MB21D2: variants seen among roughly 807,000 people sequenced by gnomAD.
The protein encoded by MB21D2 is Mab-21 domain containing 2.
In MB21D2, 9 loss-of-function variants were observed where a neutral mutation model predicts 33.3. The ratio of observed to expected loss-of-function variants is 0.27; its 90% CI spans 0.16 to 0.47. The LOEUF (loss-of-function observed/expected upper bound fraction) is 0.47. Among genes scored for constraint, MB21D2 ranks in the 20% least tolerant of loss-of-function variants. MB21D2 has a pLI of 0.99. For synonymous variants in MB21D2, 241 were observed against 236.3 expected (o/e 1.02, Z -0.18); for missense variants, 540 against 624.6 (o/e 0.86, Z 1.44).
chr3:192,892,632 G>C (rs577766692), intron 1 of MB21D2, among the ~76,000 whole-genome samples: 1 of 151,946 alleles, frequency 6.6e-6, no homozygotes, highest in African/African-American at 2.4e-5. Context: ...TAGTAGAGAC[G>C]GGGTTTCACC....
chr3:192,857,878 A>G (rs886986894), intron 1 of MB21D2, among the ~76,000 whole-genome samples: 1 of 152,144 alleles, frequency 6.6e-6, no homozygotes, highest in African/African-American at 2.4e-5. Context: ...TAATCCCAGC[A>G]CTTTGAGAGG....
chr3:192,874,920 T>A (rs1330030350), intron 1 of MB21D2, among the ~76,000 whole-genome samples: 2 of 152,140 alleles, frequency 1.3e-5, no homozygotes, highest in Non-Finnish European at 2.9e-5. Flanking sequence ...CCCCTGGCTG[T>A]TAGGTCTAGG....
At chr3:192,912,660 CAA>C (rs1714381058) in intron 1 of MB21D2, among the ~76,000 whole-genome samples, 1 of 149,768 alleles carries the variant, frequency 6.7e-6, no homozygotes, top group Admixed American at 6.7e-5. Context: ...GCAACAAGGG[CAA>C]AACTGTATCT....
intron 1 of MB21D2, among the ~76,000 whole-genome samples, chr3:192,907,504 T>C (rs1714239113): frequency 6.6e-6 from 1 of 152,142 alleles, no homozygotes; most frequent in Non-Finnish European, 1.5e-5. Flanking sequence ...AGACACCCAA[T>C]AGCTGGGTGG....
chr3:192,822,795 G>A (rs1018742229), intron 1 of MB21D2, among the ~76,000 whole-genome samples: 1 of 152,220 alleles, frequency 6.6e-6, no homozygotes, highest in Non-Finnish European at 1.5e-5. Flanking sequence ...AAGAGGTACT[G>A]CTGGTAGTTA....
At chr3:192,847,462 T>A (rs1560238118) in intron 1 of MB21D2, among the ~76,000 whole-genome samples, 1 of 152,118 alleles carries the variant, frequency 6.6e-6, no homozygotes, top group Non-Finnish European at 1.5e-5. Flanking sequence ...GGAAATGGTG[T>A]CTCTCAAAAG....
intron 1 of MB21D2, among the ~76,000 whole-genome samples, chr3:192,857,898 G>T (rs1439236351): frequency 6.6e-6 from 1 of 152,208 alleles, no homozygotes; most frequent in African/African-American, 2.4e-5. Flanking sequence ...GCTGAGGAGG[G>T]TGAATCACCT....
At chr3:192,910,072 G>A (rs764453689) in intron 1 of MB21D2, among the ~76,000 whole-genome samples, 5 of 151,608 alleles carry the variant, frequency 3.3e-5, no homozygotes, top group Admixed American at 6.6e-5. Flanking sequence ...GACAGGAGGC[G>A]GCATGGAAAG....
chr3:192,836,661 C>T (rs7637984), intron 1 of MB21D2, among the ~76,000 whole-genome samples: 52,573 of 152,040 alleles, frequency 0.35, 9,727 homozygotes, highest in East Asian at 0.61. Context: ...TGAACTTAGA[C>T]TTCCAGCCTC....
chr3:192,822,006 C>T (rs1185076029), intron 1 of MB21D2, among the ~76,000 whole-genome samples: 1 of 152,154 alleles, frequency 6.6e-6, no homozygotes, highest in Non-Finnish European at 1.5e-5. Context: ...GTTAAAATGG[C>T]ACCTGTGAAC....
Position 192,915,559 on chromosome 3 carries a change from G to A in MB21D2, c.211+2071C>T, listed in dbSNP as rs76350481. On this transcript the variant is annotated intron_variant, in intron 1 of 1. Transcript: ENST00000392452. ...CTCTCTTGAATCTTCTCTCCTGCAGGTGGAAATGCTAAATTCCCAGGGGGC... is the reference window on the plus strand; with the variant it reads ...CTCTCTTGAATCTTCTCTCCTGCAGATGGAAATGCTAAATTCCCAGGGGGC... Among the ~76,000 whole-genome samples the A allele has an allele frequency of 9.1e-3, 1,382 of 152,274 alleles. 24 individuals carry two copies. Among genetic ancestry groups the A allele is most frequent in the African/African-American group, 0.032 (1,312 of 41,550 alleles).
At chr3:192,873,455 T>A (rs1014294363) in intron 1 of MB21D2, among the ~76,000 whole-genome samples, 1 of 152,124 alleles carries the variant, frequency 6.6e-6, no homozygotes, top group Non-Finnish European at 1.5e-5. Context: ...TCCACACCCA[T>A]TCCACCTCTC....
Position 192,917,620 on chromosome 3 carries a change from T to C in MB21D2, c.211+10A>G. 1 of 1,613,900 alleles carries C rather than the reference T, an allele frequency of 6.2e-7. No homozygotes were observed. Among genetic ancestry groups the C allele is most frequent in the East Asian group, 2.2e-5 (1 of 44,840 alleles). On this transcript the variant is annotated intron_variant, in intron 1 of 1. Coordinates refer to ENST00000392452, the MANE Select transcript of MB21D2 (RefSeq NM_178496.4). ...ACACGCACACACACCTCCCCCTTTT[T>C]CCTCCTTACCCAGCATGGAAAAGAT...
Position 192,799,568 on chromosome 3 carries a change from C to T in MB21D2, c.294G>A (p.Val98=). Residue 98 remains valine, a synonymous_variant, in exon 2 of 2, where the codon GTG becomes GTA. Transcript: ENST00000392452. This position sits in a 1 kb window ranked among gnomAD's most constrained non-coding sequence, Gnocchi z 4.1. The stretch of plus-strand genomic sequence containing the variant: ...CATTAAGCTCATCTAAGTCCAGGTC[C>T]ACCACGCCTTCCCGGACACCTCCAG... ...LLSGGVREGV[V]DLDLDELNVY... is the part of the protein sequence containing the mutation. 1 of 1,614,190 alleles carries T rather than the reference C, an allele frequency of 6.2e-7. No individual in the cohort carries two copies. The highest frequency in any genetic ancestry group is 8.5e-7 in the Non-Finnish European group (1 of 1,180,042).
rs570091683 is a variant in MB21D2 at position 192,849,052 on chromosome 3, T to G, written c.212-49402A>C. The stretch of plus-strand genomic sequence containing the variant: ...TAATTGTGCTTAACATATCACAGAT[T>G]CAGTTTTGTTATGAGATTCTCAATG... On this transcript the variant is annotated intron_variant, in intron 1 of 1. Transcript: ENST00000392452. Among the ~76,000 whole-genome samples, 252 of 152,252 alleles carry G rather than the reference T, an allele frequency of 1.7e-3. 2 individuals are homozygous for G. Among genetic ancestry groups the G allele is most frequent in the African/African-American group, 5.7e-3 (236 of 41,546 alleles).
chr3:192,858,904 TC>T (rs36014123), intron 1 of MB21D2, among the ~76,000 whole-genome samples: 1 of 152,162 alleles, frequency 6.6e-6, no homozygotes, highest in Non-Finnish European at 1.5e-5. Context: ...GCTGGAACCA[TC>T]CACAAAGGAT....
chr3:192,804,071 T>C (rs1007665198), intron 1 of MB21D2, among the ~76,000 whole-genome samples: 7 of 152,328 alleles, frequency 4.6e-5, no homozygotes, highest in East Asian at 3.9e-4. Context: ...CTTAAGAATA[T>C]CTTAATAGTA....
chr3:192,884,561 G>T (rs1317755327), intron 1 of MB21D2, among the ~76,000 whole-genome samples: 3 of 151,884 alleles, frequency 2.0e-5, no homozygotes, highest in Non-Finnish European at 4.4e-5. Flanking sequence ...TAGAGACGGG[G>T]TTTCACCGTG....
chr3:192,798,075 A>C lies in MB21D2; in HGVS notation c.*311T>G, dbSNP rs1720559609. ...AACAAATTTGCACCAAGTATGAAAC[A>C]GAAAAAAGCAAGAGGATTCATGGGC... On this transcript the variant is annotated 3_prime_UTR_variant, in exon 2 of 2. Coordinates refer to ENST00000392452, the MANE Select transcript of MB21D2 (RefSeq NM_178496.4). This position sits in a 1 kb window ranked among gnomAD's most constrained non-coding sequence, Gnocchi z 4.8. 3 of 254,382 alleles carry C rather than the reference A, an allele frequency of 1.2e-5. No homozygotes were observed. Among genetic ancestry groups the C allele is most frequent in the Non-Finnish European group, 1.5e-5 (2 of 132,274 alleles). The allele number at this position is 254,382 out of a possible 1,614,324, so 15.8% of individuals were successfully genotyped here.
Sources: allele counts gnomAD v4.1 joint callset (sites outside exome capture counted in the v4.1 genomes callset), GRCh38; gene constraint gnomAD v4.1.1; non-coding constraint Gnocchi (gnomAD v3.1); transcripts MANE v1.5; gene names NCBI Gene and HGNC (gene_info 2026-07-23, HGNC 2026-07-21).